The following RYR3 variants were observed in gnomAD, a reference collection of about 807,000 sequenced individuals.
RYR3 encodes ryanodine receptor 3.
Under a neutral mutation model 584.3 loss-of-function variants are expected in RYR3, and 207 were observed. That is an observed-to-expected ratio of 0.35 (90% CI 0.32 to 0.40). The LOEUF (loss-of-function observed/expected upper bound fraction) is 0.40, where lower values mean the gene tolerates loss of function less well. Among genes scored for constraint, RYR3 ranks in the 10% least tolerant of loss-of-function variants. The pLI, the probability that RYR3 is intolerant of heterozygous loss-of-function variation, is 1.00. For synonymous variants in RYR3, 2,416 were observed against 2,248.5 expected (o/e 1.07, Z -2.11); for missense variants, 5,616 against 6,089.2 (o/e 0.92, Z 2.59).
At chr15:33,755,689 C>T (rs1445906155) in intron 58 of RYR3, among the ~76,000 whole-genome samples, 3 of 152,192 alleles carry the variant, frequency 2.0e-5, no homozygotes, top group African/African-American at 4.8e-5. Context: ...GTCATTTTTT[C>T]GCACAACTTA....
intron 3 of RYR3, among the ~76,000 whole-genome samples, chr15:33,509,103 T>A (rs1028979200): frequency 8.5e-5 from 13 of 152,152 alleles, no homozygotes; most frequent in Non-Finnish European, 1.2e-4. Flanking sequence ...TCACAAAAAA[T>A]TTAGTGACAG....
intron 43 of RYR3, among the ~76,000 whole-genome samples, chr15:33,712,077 G>A (rs1476478652): frequency 6.6e-6 from 1 of 152,202 alleles, no homozygotes; most frequent in Non-Finnish European, 1.5e-5. Flanking sequence ...GCCTCTGGGA[G>A]CTTTCAATTG....
At chr15:33,379,400 G>A (rs1455027463) in intron 1 of RYR3, among the ~76,000 whole-genome samples, 2 of 152,132 alleles carry the variant, frequency 1.3e-5, no homozygotes, top group Non-Finnish European at 2.9e-5. Flanking sequence ...TTGGAACTGG[G>A]CATTTGGTTA....
intron 48 of RYR3, among the ~76,000 whole-genome samples, chr15:33,732,654 G>A (rs2069071714): frequency 6.6e-6 from 1 of 152,138 alleles, no homozygotes; most frequent in Admixed American, 6.5e-5. Context: ...CTATTTTTCA[G>A]CCAGTGTTTT....
At chr15:33,341,753 C>A (rs941542272) in intron 1 of RYR3, among the ~76,000 whole-genome samples, 3 of 152,062 alleles carry the variant, frequency 2.0e-5, no homozygotes, top group African/African-American at 4.8e-5. Flanking sequence ...CAGTTATGAA[C>A]TTTACTTCCC....
intron 94 of RYR3, chr15:33,852,792 A>T: frequency 2.5e-6 from 1 of 397,636 alleles, no homozygotes; most frequent in South Asian, 3.2e-5. Context: ...CTTGGCTCCA[A>T]ATCATAATTC....
intron 3 of RYR3, among the ~76,000 whole-genome samples, chr15:33,521,882 C>T (rs2054010418): frequency 6.6e-6 from 1 of 152,150 alleles, no homozygotes; most frequent in Non-Finnish European, 1.5e-5. Context: ...CCAAGTAAGA[C>T]TGCCATGATC....
chr15:33,757,233 G>A lies in RYR3; in HGVS notation c.8584-242G>A, dbSNP rs143321949. ...TCTCGTAGGACTCCTCTGCAAATGC[G>A]CACACATTTCTTTGGGCCCTTAGTC... On this transcript the variant is annotated intron_variant, in intron 59 of 103. Coordinates refer to ENST00000634891, the MANE Select transcript of RYR3 (RefSeq NM_001036.6). 1.4e-4 allele frequency among the ~76,000 whole-genome samples: 21 copies of A among 152,176 alleles called. No homozygotes were observed. The East Asian group carries it at 3.5e-3, about 25-fold the overall frequency.
chr15:33,382,269 G>C (rs2041241983), intron 1 of RYR3, among the ~76,000 whole-genome samples: 1 of 147,356 alleles, frequency 6.8e-6, no homozygotes, highest in Non-Finnish European at 1.5e-5. Flanking sequence ...TTGTGCATTA[G>C]TATAGGTACC....
chr15:33,348,353 A>AGGTT (rs1200124441), intron 1 of RYR3, among the ~76,000 whole-genome samples: 5 of 152,214 alleles, frequency 3.3e-5, no homozygotes, highest in Admixed American at 1.3e-4. Context: ...AGAGTTACTT[A>AGGTT]GGTTGGCATC....
At chr15:33,531,934 T>C (rs1314030956) in intron 4 of RYR3, among the ~76,000 whole-genome samples, 6 of 152,176 alleles carry the variant, frequency 3.9e-5, no homozygotes, top group Non-Finnish European at 8.8e-5. Flanking sequence ...GCATACTTCT[T>C]ATGGCTTCAA....
At chr15:33,422,016 G>C (rs1179476788) in intron 1 of RYR3, among the ~76,000 whole-genome samples, 1 of 152,078 alleles carries the variant, frequency 6.6e-6, no homozygotes, top group African/African-American at 2.4e-5. Flanking sequence ...TTAAGATTTT[G>C]CTTCCTTCAC....
intron 36 of RYR3, among the ~76,000 whole-genome samples, chr15:33,667,693 T>C (rs2063562362): frequency 6.6e-6 from 1 of 152,188 alleles, no homozygotes; most frequent in Non-Finnish European, 1.5e-5. Context: ...TTTGTGCATT[T>C]AAAATATTAA....
At chr15:33,859,318 T>C (rs12907899) in intron 99 of RYR3, among the ~76,000 whole-genome samples, 51,346 of 152,258 alleles carry the variant, frequency 0.34, 10,748 homozygotes, top group Non-Finnish European at 0.47. Context: ...TTTTAACTTA[T>C]ATACACCTTT....
intron 2 of RYR3, among the ~76,000 whole-genome samples, chr15:33,481,789 CTTTT>C (rs59354808): frequency 0.27 from 38,091 of 139,176 alleles, 5,147 homozygotes; most frequent in Middle Eastern, 0.35. Flanking sequence ...GCCTTGAATA[CTTTT>C]TTTTTTTTTT....
At chr15:33,313,453 T>A (rs1967642259) in intron 1 of RYR3, among the ~76,000 whole-genome samples, 1 of 152,188 alleles carries the variant, frequency 6.6e-6, no homozygotes, top group African/African-American at 2.4e-5. Context: ...TTCGACAAAA[T>A]GATTTTTTGG....
At chr15:33,714,920 C>T (rs2152799335) in intron 43 of RYR3, among the ~76,000 whole-genome samples, 1 of 152,322 alleles carries the variant, frequency 6.6e-6, no homozygotes. Flanking sequence ...TTACTAAAAA[C>T]TTTGTAATCA....
intron 3 of RYR3, among the ~76,000 whole-genome samples, chr15:33,512,419 C>G (rs1353951166): frequency 1.3e-5 from 2 of 152,162 alleles, no homozygotes; most frequent in African/African-American, 4.8e-5. Context: ...AGTTAGAAGC[C>G]TTTTCAAGTG....
chr15:33,474,417 A>G (rs2049192494), intron 2 of RYR3, among the ~76,000 whole-genome samples: 1 of 152,224 alleles, frequency 6.6e-6, no homozygotes, highest in Non-Finnish European at 1.5e-5. Context: ...GGCAGGAGTT[A>G]ATGCTGTCAT....
Sources: allele counts gnomAD v4.1 joint callset (sites outside exome capture counted in the v4.1 genomes callset), GRCh38; gene constraint gnomAD v4.1.1; transcripts MANE v1.5; gene names NCBI Gene and HGNC (gene_info 2026-07-23, HGNC 2026-07-21).